ZNFX1: variants seen among roughly 807,000 people sequenced by gnomAD.
ZNFX1 encodes NFX1-type zinc finger-containing protein 1.
A neutral mutation model predicts 179.8 loss-of-function variants in ZNFX1; 78 were observed. That is an observed-to-expected ratio of 0.43 (90% CI 0.36 to 0.52). ZNFX1 has a LOEUF of 0.52. Among genes scored for constraint, ZNFX1 ranks in the 20% least tolerant of loss-of-function variants. The pLI is 0.00. For synonymous variants in ZNFX1, 848 were observed against 868.5 expected (o/e 0.98, Z 0.42); for missense variants, 1,927 against 2,386.6 (o/e 0.81, Z 4.01).
rs768840090 is a variant in ZNFX1, at chr20:49,248,286, C to T, written c.4738G>A (p.Glu1580Lys). 2.5e-6 allele frequency: 4 copies of T among 1,614,044 alleles called. No individual in the cohort carries two copies. The highest frequency in any genetic ancestry group is 2.7e-5 in the African/African-American group (2 of 74,904). The change falls in exon 14 of 14, where the codon GAG becomes AAG. Residue 1580 changes from glutamate (E) to lysine (K), a missense_variant. Coordinates refer to ENST00000396105, the MANE Select transcript of ZNFX1 (RefSeq NM_021035.3). The surrounding 1 kb of genome is among the most constrained non-coding windows in gnomAD (Gnocchi z 4.6). ...VTQIFFGFED[E>K]PDARFVQLED... is the part of the protein sequence containing the mutation. ...AGCTGCACAAAGCGGGCATCAGGCT[C>T]ATCCTCAAAGCCAAAGAATATTTGG...
chr20:49,268,966 A>G (rs1981312434), intron 3 of ZNFX1, among the ~76,000 whole-genome samples: 1 of 152,258 alleles, frequency 6.6e-6, no homozygotes, highest in Non-Finnish European at 1.5e-5. Flanking sequence ...AAACAGCTTA[A>G]AACAGAAATG....
chr20:49,271,103 G>T lies in ZNFX1; in HGVS notation c.709C>A (p.Arg237=), dbSNP rs772546721. The change falls in exon 3 of 14, where the codon CGA becomes AGA. Residue 237 remains arginine (R), a synonymous_variant. Transcript: ENST00000396105. The part of the protein sequence containing the change: ...GMITEPIPDI[R]NQYPEHISNI... ...CTTATGTGCTCTGGATACTGGTTTC[G>T]GATGTCAGGGATGGGTTCAGTGATC... 1 of 1,614,138 alleles carries T rather than the reference G, an allele frequency of 6.2e-7. No homozygotes were observed. Among genetic ancestry groups the T allele is most frequent in the Non-Finnish European group, 8.5e-7 (1 of 1,180,022 alleles).
chr20:49,252,896 C>A (rs903031425), intron 11 of ZNFX1, 66 bp from the exon 12 acceptor site: 15 of 1,225,150 alleles, frequency 1.2e-5, no homozygotes, highest in Middle Eastern at 1.9e-4. Flanking sequence ...ATACTTCCAT[C>A]CATCCAACCA....
Position 49,264,712 on chromosome 20 carries a change from T to C in ZNFX1, c.2151+4A>G. ...ACCCCAGATATTTCAGAGCTGGGAC[T>C]TACACTCATGTAGGCCCTTCGGAGG... On this transcript the variant is annotated splice_donor_region_variant and intron_variant, in intron 5 of 13. Coordinates refer to ENST00000396105, the MANE Select transcript of ZNFX1 (RefSeq NM_021035.3). The C allele has an allele frequency of 6.2e-7, 1 of 1,613,620 alleles. No homozygotes were observed.
rs931580247 is a variant in ZNFX1, at chr20:49,257,569, T to A, written c.2512A>T (p.Ile838Phe). The change falls in exon 8 of 14, where the codon ATT (isoleucine) becomes TTT (phenylalanine). Residue 838 changes from isoleucine (I) to phenylalanine (F), a missense_variant. Ile to Phe is a conservative substitution (Grantham distance 21, BLOSUM62 0). Transcript: ENST00000396105. ...EADLIQADRVIEEEEVVRPQR... is the reference protein window; with the variant it reads ...EADLIQADRVFEEEEVVRPQR... ...GGCCTCACCACCTCTTCCTCCTCAA[T>A]CACCCGGTCTGCTTGAATCAGGTCA... 37 of 1,613,780 alleles carry A rather than the reference T, an allele frequency of 2.3e-5. No homozygotes were observed. Among genetic ancestry groups the A allele is most frequent in the Non-Finnish European group, 3.1e-5 (36 of 1,180,012 alleles).
Position 49,275,834 on chromosome 20 carries a change from C to T in ZNFX1, c.6G>A (p.Glu2=), listed in dbSNP as rs1462802728. The change falls in exon 2 of 14, where the codon GAG becomes GAA. Residue 2 remains glutamate (E), a synonymous_variant. Transcript: ENST00000396105. ...TGGCATCCAGATGAGGTCTTCTCTC[C>T]TCCATGTCTGAGTCACCTGAATTCC... M[E]ERRPHLDARP... 17 of 1,614,116 alleles carry T rather than the reference C, an allele frequency of 1.1e-5. No individual in the cohort carries two copies. Among genetic ancestry groups the T allele is most frequent in the Non-Finnish European group, 1.4e-5 (16 of 1,180,002 alleles).
chr20:49,252,979 A>G, intron 11 of ZNFX1, 149 bp from the exon 12 acceptor site: 1 of 656,370 alleles, frequency 1.5e-6, no homozygotes. Flanking sequence ...AAGGATTAAT[A>G]ATGACAAGGG....
At chr20:49,275,080 G>A (rs1423777992) in intron 2 of ZNFX1, among the ~76,000 whole-genome samples, 7 of 148,726 alleles carry the variant, frequency 4.7e-5, no homozygotes, top group African/African-American at 7.4e-5. Flanking sequence ...CAGAGATCGC[G>A]CCACTGCACT....
In ZNFX1 at chr20:49,255,910, ACT is replaced by A; in HGVS notation, c.2700_2701del (p.Arg900SerfsTer4). ...GTTCAGTTTGCGAAGCTCATCCTTC[ACT>A]CTTTTTTTCATTTTCTTTTTCTGGT... On this transcript the variant is annotated frameshift_variant, in exon 9 of 14. Coordinates refer to ENST00000396105, the MANE Select transcript of ZNFX1 (RefSeq NM_021035.3). LOFTEE classifies it high-confidence loss of function. 1 of 1,613,378 alleles carries A rather than the reference ACT, an allele frequency of 6.2e-7. No homozygotes were observed.
At chr20:49,267,545 T>C (rs184534369) in intron 3 of ZNFX1, among the ~76,000 whole-genome samples, 1 of 151,814 alleles carries the variant, frequency 6.6e-6, no homozygotes, top group Admixed American at 6.6e-5. Flanking sequence ...GACTTCTTCC[T>C]GTTTGGGGTT....
chr20:49,252,269 G>A (rs952674629), intron 12 of ZNFX1, among the ~76,000 whole-genome samples: 2 of 151,762 alleles, frequency 1.3e-5, no homozygotes, highest in Non-Finnish European at 2.9e-5. Context: ...AGCCTCCTGA[G>A]TAGCTGGGAT....
chr20:49,249,106 G>A lies in ZNFX1; in HGVS notation c.3918C>T (p.Cys1306=), dbSNP rs2146727776. The change falls in exon 14 of 14, where the codon TGC becomes TGT. Residue 1306 remains cysteine (C), a synonymous_variant. Transcript: ENST00000396105. The stretch of plus-strand genomic sequence containing the variant: ...CCTTGTGTGAAGAGTCATAAGGGTG[G>A]CAGGCACGGGTGCAGACATGCCCAC... The part of the protein sequence containing the change: ...LGCGHVCTRA[C]HPYDSSHKEF... 1 of 1,614,242 alleles carries A rather than the reference G, an allele frequency of 6.2e-7. No homozygotes were observed.
Position 49,246,366 on chromosome 20 carries a change from T to C in ZNFX1, c.*901A>G, listed in dbSNP as rs759828802. 2.6e-5 allele frequency: 4 copies of C among 153,424 alleles called. No homozygotes were observed. The highest frequency in any genetic ancestry group is 4.4e-5 in the Non-Finnish European group (3 of 68,704). The allele number at this position is 153,424 out of a possible 1,614,324, so 9.5% of individuals were successfully genotyped here. On this transcript the variant is annotated 3_prime_UTR_variant, in exon 14 of 14. Transcript: ENST00000396105. ...GGCCCATCTTATGCAGCATGTGGGCTGTCCCATCTTCCCCACTCTCAGTGA... is the reference window on the plus strand; with the variant it reads ...GGCCCATCTTATGCAGCATGTGGGCCGTCCCATCTTCCCCACTCTCAGTGA...
chr20:49,260,262 C>G (rs1981080787), intron 7 of ZNFX1, among the ~76,000 whole-genome samples: 2 of 142,700 alleles, frequency 1.4e-5, no homozygotes, highest in Non-Finnish European at 3.0e-5. Context: ...GCACTCCAGC[C>G]TGGGCAACAA....
At chr20:49,252,560 G>A (rs773756036) in intron 12 of ZNFX1, among the ~76,000 whole-genome samples, 160 bp downstream of exon 12, 1 of 152,060 alleles carries the variant, frequency 6.6e-6, no homozygotes, top group East Asian at 1.9e-4. Flanking sequence ...AACTCAACAC[G>A]GTGATCTTGT....
intron 7 of ZNFX1, 114 bp from the exon 8 acceptor site, chr20:49,257,778 T>G: frequency 7.0e-7 from 1 of 1,434,092 alleles, no homozygotes; most frequent in Non-Finnish European, 9.1e-7. Context: ...CTTGGCTCAT[T>G]GCAACCTCTG....
At chr20:49,258,065 A>T (rs1270746283) in intron 7 of ZNFX1, among the ~76,000 whole-genome samples, 1 of 151,194 alleles carries the variant, frequency 6.6e-6, no homozygotes, top group Non-Finnish European at 1.5e-5. Context: ...GCAAGAGCTC[A>T]GATGCATGAA....
At chr20:49,269,262 A>T (rs1297568307) in intron 3 of ZNFX1, among the ~76,000 whole-genome samples, 3 of 152,208 alleles carry the variant, frequency 2.0e-5, no homozygotes, top group African/African-American at 7.2e-5. Flanking sequence ...AGGAACAGAA[A>T]ATTAAATACC....
rs766427025 is a variant in ZNFX1, at chr20:49,270,053, G to A, written c.1759C>T (p.Pro587Ser). ...GCTTCTTTTGAGGGCCACTGGCCAG[G>A]ATCTAAGACATTAATTCTGGGATGT... ...LRHPRINVLDPGQWPSKEALK... is the reference protein window; with the variant it reads ...LRHPRINVLDSGQWPSKEALK... Residue 587 changes from proline to serine, a missense_variant, in exon 3 of 14, where the codon CCT becomes TCT. Pro to Ser is a moderately conservative substitution (Grantham distance 74, BLOSUM62 -1). Transcript: ENST00000396105. The surrounding 1 kb of genome is among the most constrained non-coding windows in gnomAD (Gnocchi z 4.6). 8 of 1,614,104 alleles carry A rather than the reference G, an allele frequency of 5.0e-6. No homozygotes were observed. In the African/African-American group the frequency reaches 9.3e-5, roughly 19 times the overall value.
Sources: allele counts gnomAD v4.1 joint callset (sites outside exome capture counted in the v4.1 genomes callset), GRCh38; gene constraint gnomAD v4.1.1; non-coding constraint Gnocchi (gnomAD v3.1); transcripts MANE v1.5; gene names NCBI Gene and HGNC (gene_info 2026-07-23, HGNC 2026-07-21).